Variants in MAP2K5 observed in about 807,000 individuals in gnomAD.
MAP2K5 encodes the protein dual specificity mitogen-activated protein kinase kinase 5.
MAP2K5 carries 49 observed loss-of-function variants against 83.1 expected under a neutral mutation model. The observed-to-expected ratio is 0.59, with a 90% CI of 0.47 to 0.75. The LOEUF (loss-of-function observed/expected upper bound fraction) is 0.75, where lower values mean the gene tolerates loss of function less well. Ranked by LOEUF, MAP2K5 falls within the 30% of genes least tolerant of loss-of-function variation. MAP2K5 has a pLI of 0.00. For synonymous variants in MAP2K5, 202 were observed against 191.8 expected, an observed-to-expected ratio of 1.05 and a Z score of -0.44; for missense variants, 457 against 557.5, an observed-to-expected ratio of 0.82 and a Z score of 1.82.
chr15:67,642,690 G>A (rs2086740570), intron 9 of MAP2K5, among the ~76,000 whole-genome samples: 1 of 152,202 alleles, frequency 6.6e-6, no homozygotes, highest in Non-Finnish European at 1.5e-5. Flanking sequence ...CACATGAAGG[G>A]TGGGTTTGTG....
At chr15:67,659,879 C>T (rs2087194444) in intron 12 of MAP2K5, among the ~76,000 whole-genome samples, 1 of 152,118 alleles carries the variant, frequency 6.6e-6, no homozygotes, top group Non-Finnish European at 1.5e-5. Context: ...TTTAGGGCAT[C>T]CACACAAGGC....
At chr15:67,643,939 T>C (rs1465942847) in intron 9 of MAP2K5, among the ~76,000 whole-genome samples, 1 of 152,210 alleles carries the variant, frequency 6.6e-6, no homozygotes, top group African/African-American at 2.4e-5. Context: ...TATTCTTCAG[T>C]TGTAATACAA....
intron 13 of MAP2K5, among the ~76,000 whole-genome samples, chr15:67,674,160 T>A (rs1275988670): frequency 4.6e-5 from 7 of 152,256 alleles, no homozygotes; most frequent in African/African-American, 1.7e-4. Flanking sequence ...AACACTTTTT[T>A]AAAAGAACTG....
chr15:67,660,237 T>TA (rs2087202859), intron 12 of MAP2K5, among the ~76,000 whole-genome samples: 1 of 152,130 alleles, frequency 6.6e-6, no homozygotes, highest in Non-Finnish European at 1.5e-5. Context: ...ACCTCCATGC[T>TA]AAATTCTGCA....
chr15:67,768,919 G>T lies in MAP2K5; in HGVS notation c.1135-683G>T, dbSNP rs962241155. Among the ~76,000 whole-genome samples, 42 of 152,212 alleles carry T rather than the reference G, an allele frequency of 2.8e-4. No homozygotes were observed. Among genetic ancestry groups the T allele is most frequent in the Non-Finnish European group, 5.9e-5 (4 of 68,038 alleles). ...TATGTGGTGGTGGTTGTTTGTTGCT[G>T]TGTAGTTTTCTGCTTTTTTGACTGA... is the stretch of plus-strand genomic sequence containing the variant. On this transcript the variant is annotated intron_variant, in intron 19 of 21. Coordinates refer to ENST00000178640, the MANE Select transcript of MAP2K5 (RefSeq NM_145160.3). The surrounding 1 kb of genome is among the most constrained non-coding windows in gnomAD (Gnocchi z 4.0).
At chr15:67,661,982 T>C (rs2087250273) in intron 12 of MAP2K5, among the ~76,000 whole-genome samples, 1 of 152,148 alleles carries the variant, frequency 6.6e-6, no homozygotes, top group Admixed American at 6.6e-5. Flanking sequence ...TCATTATTAA[T>C]ATTTTGATAT....
At chr15:67,574,353 C>T (rs2678676) in intron 3 of MAP2K5, among the ~76,000 whole-genome samples, 3,780 of 152,092 alleles carry the variant, frequency 0.025, 137 homozygotes, top group Admixed American at 0.071. Context: ...GGGTGGATCA[C>T]GTGAGGTCAG....
rs750371515 is a variant in MAP2K5, at chr15:67,781,925, AG to A, written c.1242+9176del. Reference sequence around the variant, plus strand: ...ATAGGGTACATTTTTTCCACTTAAGAGGGCTGTGCTGAAACATTTTTAATTG... The same window carrying A: ...ATAGGGTACATTTTTTCCACTTAAGAGGCTGTGCTGAAACATTTTTAATTG... On this transcript the variant is annotated intron_variant, in intron 21 of 21. Coordinates refer to ENST00000178640, the MANE Select transcript of MAP2K5 (RefSeq NM_145160.3). This position sits in a 1 kb window ranked among gnomAD's most constrained non-coding sequence, Gnocchi z 4.0. 6.6e-6 allele frequency among the ~76,000 whole-genome samples: 1 copy of A among 152,186 alleles called. No homozygotes were observed. Among genetic ancestry groups the A allele is most frequent in the Non-Finnish European group, 1.5e-5 (1 of 68,012 alleles).
In MAP2K5 at chr15:67,577,002, C is replaced by A. The variant is rs2085079524; in HGVS notation, c.253-3752C>A. On this transcript the variant is annotated intron_variant, in intron 3 of 21. Transcript: ENST00000178640. This position sits in a 1 kb window ranked among gnomAD's most constrained non-coding sequence, Gnocchi z 4.1. ...GGACTGCGGACTGCAGTGGCGCAATCTCGGCTCACTGCAAGCTCCGCTTCC... is the reference window on the plus strand; with the variant it reads ...GGACTGCGGACTGCAGTGGCGCAATATCGGCTCACTGCAAGCTCCGCTTCC... Among the ~76,000 whole-genome samples the A allele has an allele frequency of 7.0e-6, 1 of 142,694 alleles. No individual in the cohort carries two copies. The highest frequency in any genetic ancestry group is 2.5e-5 in the African/African-American group (1 of 39,626). The allele number at this position is 142,694 out of a possible 152,430, so 93.6% of individuals were successfully genotyped here.
intron 16 of MAP2K5, among the ~76,000 whole-genome samples, chr15:67,710,963 A>G (rs1374319724): frequency 1.3e-5 from 2 of 152,264 alleles, no homozygotes; most frequent in Admixed American, 6.5e-5. Flanking sequence ...TACAGTTTAA[A>G]TAACCATCCT....
At chr15:67,641,265 A>G (rs1315044445) in intron 9 of MAP2K5, among the ~76,000 whole-genome samples, 3 of 152,226 alleles carry the variant, frequency 2.0e-5, no homozygotes, top group Non-Finnish European at 4.4e-5. Flanking sequence ...TGCTGCTTTT[A>G]AACTAGCATT....
intron 13 of MAP2K5, chr15:67,670,512 A>G (rs2087504343): frequency 2.2e-6 from 1 of 453,262 alleles, no homozygotes; most frequent in East Asian, 6.9e-5. Context: ...TAAAAAGTAA[A>G]CCAGATTTAC....
chr15:67,648,864 C>A (rs1328490345), intron 11 of MAP2K5, among the ~76,000 whole-genome samples: 1 of 152,182 alleles, frequency 6.6e-6, no homozygotes, highest in Non-Finnish European at 1.5e-5. Context: ...CAGGTGTGAG[C>A]CACTGCACCC....
In MAP2K5 at chr15:67,555,423, C is replaced by T. The variant is rs924747624; in HGVS notation, c.184+5341C>T. On this transcript the variant is annotated intron_variant, in intron 2 of 21. Coordinates refer to ENST00000178640, the MANE Select transcript of MAP2K5 (RefSeq NM_145160.3). This position sits in a 1 kb window ranked among gnomAD's most constrained non-coding sequence, Gnocchi z 5.2. The stretch of plus-strand genomic sequence containing the variant: ...GACAAAAACACCTCCTTCCAGGCCC[C>T]GCCTGCAACATTGGGGATCACTTTG... Among the ~76,000 whole-genome samples, 11 of 147,300 alleles carry T rather than the reference C, an allele frequency of 7.5e-5. No individual in the cohort carries two copies. The highest frequency in any genetic ancestry group is 2.7e-4 in the Admixed American group (4 of 14,834).
In MAP2K5 at chr15:67,580,608, T is replaced by C. The variant is rs2085158643; in HGVS notation, c.253-146T>C. ...TCCTAAATATTCACTATAGTCATTT[T>C]GATGTGCCAGTAGGGGAAAAGTATT... On this transcript the variant is annotated intron_variant, in intron 3 of 21. Coordinates refer to ENST00000178640, the MANE Select transcript of MAP2K5 (RefSeq NM_145160.3). The C allele has an allele frequency of 6.4e-6, 4 of 622,912 alleles. No homozygotes were observed. In the Admixed American group the frequency reaches 8.1e-5, roughly 13 times the overall value. The allele number at this position is 622,912 out of a possible 1,614,324, so 38.6% of individuals were successfully genotyped here.
At chr15:67,556,422 CT>C (rs1285265499) in intron 2 of MAP2K5, among the ~76,000 whole-genome samples, 3 of 151,994 alleles carry the variant, frequency 2.0e-5, no homozygotes, top group African/African-American at 7.3e-5. Context: ...TTTCCTTCTA[CT>C]TTAATGAGGT....
At chr15:67,728,045 TCTGTC>T in intron 17 of MAP2K5, 100 bp downstream of exon 17, 1 of 995,074 alleles carries the variant, frequency 1.0e-6, no homozygotes, top group Non-Finnish European at 1.6e-6. Flanking sequence ...TACAAATAAA[TCTGTC>T]CTGTTAAATT....
intron 1 of MAP2K5, among the ~76,000 whole-genome samples, chr15:67,547,077 A>AACAC (rs59269114): frequency 0.09 from 12,954 of 144,122 alleles, 694 homozygotes; most frequent in East Asian, 0.2. Context: ...AAAAGAAGAA[A>AACAC]ACACACACAC....
intron 13 of MAP2K5, among the ~76,000 whole-genome samples, chr15:67,675,712 A>T (rs1350232036): frequency 6.6e-6 from 1 of 152,198 alleles, no homozygotes; most frequent in Non-Finnish European, 1.5e-5. Context: ...ACAAAAAAAG[A>T]ATATATCATC....
Sources: allele counts gnomAD v4.1 joint callset (sites outside exome capture counted in the v4.1 genomes callset), GRCh38; gene constraint gnomAD v4.1.1; non-coding constraint Gnocchi (gnomAD v3.1); transcripts MANE v1.5; gene names NCBI Gene and HGNC (gene_info 2026-07-23, HGNC 2026-07-21).